Variants in IFT88 observed in about 807,000 individuals in gnomAD.
The protein encoded by IFT88 is intraflagellar transport 88.
IFT88 carries 74 observed loss-of-function variants against 119.5 expected under a neutral mutation model. The ratio of observed to expected loss-of-function variants is 0.62; its 90% CI spans 0.51 to 0.75. The LOEUF (loss-of-function observed/expected upper bound fraction) is 0.75. Among genes scored for constraint, IFT88 ranks in the 30% least tolerant of loss-of-function variants. The probability of loss-of-function intolerance (pLI) is 0.00; values close to 1 mark genes in which losing one functional copy is unlikely to be tolerated. For synonymous variants in IFT88, 279 were observed against 316.7 expected (o/e 0.88, Z 1.26); for missense variants, 961 against 977.7 (o/e 0.98, Z 0.23).
chr13:20,615,881 T>G lies in IFT88; in HGVS notation c.1199+2T>G. 1 of 1,585,552 alleles carries G rather than the reference T, an allele frequency of 6.3e-7. No individual in the cohort carries two copies. Among genetic ancestry groups the G allele is most frequent in the Non-Finnish European group, 8.6e-7 (1 of 1,158,894 alleles). ...ATCTTTTGCTGCAGGTTATGATTGG[T>G]AAGAGAGAAAGTCTATAATACTGCA... On this transcript the variant is annotated splice_donor_variant, in intron 14 of 25. Coordinates refer to ENST00000351808, the MANE Select transcript of IFT88 (RefSeq NM_006531.5). LOFTEE classifies it high-confidence loss of function.
At chr13:20,678,684 C>A (rs1594881144) in intron 24 of IFT88, among the ~76,000 whole-genome samples, 2 of 152,204 alleles carry the variant, frequency 1.3e-5, no homozygotes, top group African/African-American at 4.8e-5. Context: ...CCATCACGAG[C>A]ATGTCACATT....
chr13:20,567,915 A>C lies in IFT88; in HGVS notation c.-7+659A>C, dbSNP rs2035247692. 8 of 691,192 alleles carry C rather than the reference A, an allele frequency of 1.2e-5. No individual in the cohort carries two copies. In the South Asian group the frequency reaches 1.3e-4, roughly 11 times the overall value. The allele number at this position is 691,192 out of a possible 1,614,324, so 42.8% of individuals were successfully genotyped here. ...GCAGTAGGCTTCTTGGAAGTAGACC[A>C]AGGGTGTCCAATCTTTGGCTTCCCT... On this transcript the variant is annotated intron_variant, in intron 1 of 25. Coordinates refer to ENST00000351808, the MANE Select transcript of IFT88 (RefSeq NM_006531.5).
In IFT88 at chr13:20,623,176, CTG is replaced by C. The variant is rs1258343283; in HGVS notation, c.1200-2572_1200-2571del. ...TACTCTATGCTATTGGTCTACATGT[CTG>C]TCTTCCTGCCAGTACCACACTGTTT... On this transcript the variant is annotated intron_variant, in intron 14 of 25. Coordinates refer to ENST00000351808, the MANE Select transcript of IFT88 (RefSeq NM_006531.5). 5.3e-5 allele frequency among the ~76,000 whole-genome samples: 8 copies of C among 152,334 alleles called. No homozygotes were observed. The East Asian group carries it at 1.5e-3, about 29-fold the overall frequency.
chr13:20,635,904 A>T (rs1271537470), intron 16 of IFT88, among the ~76,000 whole-genome samples: 4 of 149,162 alleles, frequency 2.7e-5, no homozygotes, highest in South Asian at 2.1e-4. Flanking sequence ...AGTAAAAAAT[A>T]AAAAAAAAAG....
intron 3 of IFT88, among the ~76,000 whole-genome samples, chr13:20,589,381 A>C (rs2040275962): frequency 1.3e-5 from 2 of 152,340 alleles, no homozygotes; most frequent in Non-Finnish European, 2.9e-5. Flanking sequence ...CTTATTTAAA[A>C]GATGAGAAAA....
chr13:20,660,896 A>G (rs2053672312), intron 22 of IFT88, among the ~76,000 whole-genome samples: 1 of 152,198 alleles, frequency 6.6e-6, no homozygotes, highest in African/African-American at 2.4e-5. Flanking sequence ...CTTCATATAA[A>G]TTTATTTCAG....
chr13:20,588,523 A>G (rs2040117899), intron 3 of IFT88, among the ~76,000 whole-genome samples: 1 of 152,216 alleles, frequency 6.6e-6, no homozygotes, highest in Non-Finnish European at 1.5e-5. Flanking sequence ...CTATGTCTGC[A>G]CTACTCAGTA....
At chr13:20,599,622 A>G in intron 11 of IFT88, 57 bp downstream of exon 11, 4 of 779,174 alleles carry the variant, frequency 5.1e-6, no homozygotes, top group Non-Finnish European at 8.5e-6. Flanking sequence ...CTGAAACAAG[A>G]TAACTCTTCT....
chr13:20,688,122 G>A (rs2058139113), intron 24 of IFT88, among the ~76,000 whole-genome samples: 1 of 152,214 alleles, frequency 6.6e-6, no homozygotes, highest in Non-Finnish European at 1.5e-5. Flanking sequence ...CATCACCTGA[G>A]GTCAGGAGTT....
At chr13:20,640,991 C>A (rs1481179998) in intron 17 of IFT88, among the ~76,000 whole-genome samples, 1 of 152,006 alleles carries the variant, frequency 6.6e-6, no homozygotes, top group Admixed American at 6.6e-5. Flanking sequence ...ACTAAAAATA[C>A]AAAAAATTAG....
intron 14 of IFT88, among the ~76,000 whole-genome samples, chr13:20,616,318 T>C (rs1392273364): frequency 6.6e-6 from 1 of 152,238 alleles, no homozygotes. Flanking sequence ...AGAGTTTATT[T>C]TGTGACTCAT....
At position 20,610,836 on chromosome 13, in the gene IFT88, A is replaced by G. The variant is rs1474222550; in HGVS notation, c.1113-4957A>G. 5.3e-5 allele frequency among the ~76,000 whole-genome samples: 8 copies of G among 152,276 alleles called. No homozygotes were observed. The East Asian group carries it at 1.5e-3, about 29-fold the overall frequency. On this transcript the variant is annotated intron_variant, in intron 13 of 25. Transcript: ENST00000351808. The stretch of plus-strand genomic sequence containing the variant: ...TGTGAAACTGGTTTAACATGTAAAA[A>G]TCAATTAATATTATACAGGTGGCCA...
intron 11 of IFT88, among the ~76,000 whole-genome samples, chr13:20,601,094 G>A (rs1354047371): frequency 4.6e-5 from 7 of 152,160 alleles, no homozygotes; most frequent in East Asian, 1.9e-4. Context: ...GGCCGGGCAC[G>A]GTGCCTCATG....
chr13:20,654,171 C>T (rs578056315), intron 21 of IFT88, among the ~76,000 whole-genome samples: 1 of 152,210 alleles, frequency 6.6e-6, no homozygotes, highest in Admixed American at 6.5e-5. Flanking sequence ...TGTTATTTCT[C>T]AAAGTTAACA....
At chr13:20,567,609 G>A (rs2035146675) in intron 1 of IFT88, 2 of 410,824 alleles carry the variant, frequency 4.9e-6, no homozygotes, top group Admixed American at 1.2e-4. Context: ...TTAGATTACT[G>A]CGCCAGCTCT....
In IFT88 at chr13:20,691,122, G is replaced by A. The variant is rs748571032; in HGVS notation, c.2422G>A (p.Asp808Asn). Residue 808 changes from aspartate to asparagine, a missense_variant, in exon 26 of 26, where the codon GAT becomes AAT. Transcript: ENST00000351808. ...RPKTAAKKRI[D>N]EDDFADEELG... ...AAAAACTGCAGCCAAGAAAAGGATC[G>A]ATGAGGATGATTTTGCTGATGAAGA... 37 of 1,613,760 alleles carry A rather than the reference G, an allele frequency of 2.3e-5. No homozygotes were observed. The highest frequency in any genetic ancestry group is 1.1e-4 in the South Asian group (10 of 91,044).
At chr13:20,637,605 G>A (rs1254918120) in intron 16 of IFT88, among the ~76,000 whole-genome samples, 1 of 152,198 alleles carries the variant, frequency 6.6e-6, no homozygotes, top group Non-Finnish European at 1.5e-5. Context: ...AGCTGCCCTT[G>A]GAGTGGAGTA....
chr13:20,644,753 G>C, intron 19 of IFT88, 90 bp from the exon 20 acceptor site: 1 of 622,524 alleles, frequency 1.6e-6, no homozygotes, highest in South Asian at 2.4e-5. Flanking sequence ...TTCCATATTG[G>C]ATAAATTTAT....
chr13:20,647,145 A>G (rs372452863), intron 20 of IFT88, among the ~76,000 whole-genome samples: 8 of 152,086 alleles, frequency 5.3e-5, no homozygotes, highest in African/African-American at 1.7e-4. Context: ...CCTTCCTAAC[A>G]TTTCTCTCTA....
Sources: allele counts gnomAD v4.1 joint callset (sites outside exome capture counted in the v4.1 genomes callset), GRCh38; gene constraint gnomAD v4.1.1; transcripts MANE v1.5; gene names NCBI Gene and HGNC (gene_info 2026-07-23, HGNC 2026-07-21).